CDC16: variants seen among roughly 807,000 people sequenced by gnomAD.
CDC16 encodes cell division cycle 16.
Under a neutral mutation model 87.0 loss-of-function variants are expected in CDC16, and 34 were observed. The ratio of observed to expected loss-of-function variants is 0.39; its 90% CI spans 0.30 to 0.52. The LOEUF (loss-of-function observed/expected upper bound fraction) is 0.52, where lower values mean the gene tolerates loss of function less well. Ranked by LOEUF, CDC16 falls within the 20% of genes least tolerant of loss-of-function variation. The pLI is 0.74. For synonymous variants in CDC16, 263 were observed against 260.6 expected (o/e 1.01, Z -0.09); for missense variants, 653 against 751.9 (o/e 0.87, Z 1.54).
chr13:114,257,772 T>C (rs1368158427), intron 13 of CDC16, among the ~76,000 whole-genome samples: 1 of 152,112 alleles, frequency 6.6e-6, no homozygotes, highest in African/African-American at 2.4e-5. Flanking sequence ...TAAATTAGTT[T>C]CAGTTTTTTT....
At chr13:114,262,358 C>T (rs1167288641) in intron 15 of CDC16, among the ~76,000 whole-genome samples, 2 of 152,182 alleles carry the variant, frequency 1.3e-5, no homozygotes, top group Non-Finnish European at 2.9e-5. Context: ...TGCAGGATTT[C>T]TTTGAGTCTT....
intron 14 of CDC16, 37 bp from the exon 15 acceptor site, chr13:114,261,850 A>G (rs201880711): frequency 5.5e-6 from 8 of 1,457,062 alleles, no homozygotes; most frequent in Middle Eastern, 1.7e-4. Context: ...GAACAGTGAC[A>G]TATATAACTC....
At chr13:114,265,605 T>C (rs1276706174) in intron 17 of CDC16, among the ~76,000 whole-genome samples, 1 of 152,218 alleles carries the variant, frequency 6.6e-6, no homozygotes, top group East Asian at 1.9e-4. Flanking sequence ...TAATGCAGGG[T>C]ATAACAATAT....
chr13:114,238,882 A>AT, intron 3 of CDC16, 108 bp from the exon 4 acceptor site: 5 of 1,396,252 alleles, frequency 3.6e-6, no homozygotes, highest in Non-Finnish European at 2.9e-6. Context: ...CTGCAAGAGT[A>AT]AAAGGAGAAA....
At chr13:114,257,308 C>G (rs2082559759) in intron 13 of CDC16, 78 bp downstream of exon 13, 1 of 558,196 alleles carries the variant, frequency 1.8e-6, no homozygotes, top group East Asian at 4.5e-5. Flanking sequence ...AGTTCACTGA[C>G]AAAAGCGACT....
chr13:114,245,032 A>G, intron 9 of CDC16, 63 bp downstream of exon 9: 1 of 979,532 alleles, frequency 1.0e-6, no homozygotes, highest in African/African-American at 1.7e-5. Flanking sequence ...CTGTAACTTG[A>G]AATTTTGTCT....
At position 114,250,605 on chromosome 13, in the gene CDC16, C is replaced by G; in HGVS notation, c.1028C>G (p.Ser343Ter). ...YGPAWIAYGH[S>*]FAVESEHDQA... ...CCTGCATGGATAGCCTATGGACATT[C>G]ATTTGCGGTGGAGAGTGAGCACGAC... Residue 343 changes from serine to a stop codon, truncating the protein, a stop_gained, in exon 12 of 18, where the codon TCA becomes TGA. Coordinates refer to ENST00000356221, the MANE Select transcript of CDC16 (RefSeq NM_001078645.3). LOFTEE classifies it high-confidence loss of function. The G allele has an allele frequency of 6.2e-7, 1 of 1,613,958 alleles. No individual in the cohort carries two copies. The highest frequency in any genetic ancestry group is 8.5e-7 in the Non-Finnish European group (1 of 1,179,918).
Position 114,262,939 on chromosome 13 carries a change from A to G in CDC16, c.1437A>G (p.Ala479=). The stretch of plus-strand genomic sequence containing the variant: ...CACTGGTGTTGATTCCTCAGAACGC[A>G]TCCACCTACTCTGCTATTGGATATA... ...RQALVLIPQN[A]STYSAIGYIH... Residue 479 remains alanine (A), a synonymous_variant, in exon 16 of 18, where the codon GCA becomes GCG. Coordinates refer to ENST00000356221, the MANE Select transcript of CDC16 (RefSeq NM_001078645.3). 6.2e-7 allele frequency: 1 copy of G among 1,614,016 alleles called. No homozygotes were observed. Among genetic ancestry groups the G allele is most frequent in the East Asian group, 2.2e-5 (1 of 44,880 alleles).
Position 114,236,863 on chromosome 13 carries a change from C to G in CDC16, c.168C>G (p.Ala56=). Reference sequence around the variant, plus strand: ...ACCTGACAGCACAATATCACAGAGCCGCCCATGCACTTCGGTCACGAAAAC... The same window carrying G: ...ACCTGACAGCACAATATCACAGAGCGGCCCATGCACTTCGGTCACGAAAAC... ...CLYLTAQYHR[A]AHALRSRKLD... The change falls in exon 3 of 18, where the codon GCC becomes GCG. Residue 56 remains alanine (A), a synonymous_variant. Coordinates refer to ENST00000356221, the MANE Select transcript of CDC16 (RefSeq NM_001078645.3). The G allele has an allele frequency of 6.2e-7, 1 of 1,600,066 alleles. No homozygotes were observed. The highest frequency in any genetic ancestry group is 8.5e-7 in the Non-Finnish European group (1 of 1,175,960).
chr13:114,260,620 T>A (rs941389806), intron 14 of CDC16, among the ~76,000 whole-genome samples: 3 of 152,204 alleles, frequency 2.0e-5, no homozygotes, highest in African/African-American at 7.2e-5. Flanking sequence ...GCACTAAATT[T>A]AGAGTCTTAC....
At chr13:114,261,767 G>A (rs959542955) in intron 14 of CDC16, 120 bp from the exon 15 acceptor site, 2 of 616,084 alleles carry the variant, frequency 3.2e-6, no homozygotes, top group African/African-American at 3.8e-5. Flanking sequence ...GCCTTGTGGT[G>A]TGCTGGCGGC....
intron 14 of CDC16, among the ~76,000 whole-genome samples, chr13:114,260,911 C>T (rs2082813812): frequency 6.6e-6 from 1 of 152,164 alleles, no homozygotes; most frequent in Non-Finnish European, 1.5e-5. Flanking sequence ...ATGCCATAGG[C>T]TCTGAGCTAG....
intron 13 of CDC16, among the ~76,000 whole-genome samples, chr13:114,258,760 G>A (rs540865494): frequency 1.3e-5 from 2 of 152,234 alleles, no homozygotes; most frequent in South Asian, 2.1e-4. Context: ...TGGCAGCCGC[G>A]GTTCAATATT....
rs1222281987 is a variant in CDC16 at position 114,257,169 on chromosome 13, A to G, written c.1189A>G (p.Ile397Val). The change falls in exon 13 of 18, where the codon ATT becomes GTT. Residue 397 changes from isoleucine to valine, a missense_variant. Coordinates refer to ENST00000356221, the MANE Select transcript of CDC16 (RefSeq NM_001078645.3). ...AERFFSQALS[I>V]APEDPFVMHE... is the part of the protein sequence containing the mutation. ...AAGGTTCTTCAGCCAAGCTCTGAGC[A>G]TTGCACCGGAAGACCCTTTTGTTAT... The G allele has an allele frequency of 1.9e-6, 3 of 1,613,616 alleles. No homozygotes were observed. The highest frequency in any genetic ancestry group is 1.7e-6 in the Non-Finnish European group (2 of 1,179,608).
intron 13 of CDC16, among the ~76,000 whole-genome samples, chr13:114,259,078 A>G (rs3861103): frequency 0.021 from 3,160 of 150,310 alleles, 129 homozygotes; most frequent in Admixed American, 0.083. Context: ...CAGCCTAGGT[A>G]ACAGAGTGAG....
intron 9 of CDC16, 23 bp from the exon 10 acceptor site, chr13:114,245,976 CT>C (rs2081846951): frequency 7.3e-7 from 1 of 1,372,002 alleles, no homozygotes. Context: ...AACAATTGTT[CT>C]TTTTCTGCTT....
intron 3 of CDC16, among the ~76,000 whole-genome samples, chr13:114,237,320 G>GTC (rs939511201): frequency 2.0e-5 from 3 of 151,848 alleles, no homozygotes; most frequent in Non-Finnish European, 4.4e-5. Context: ...TTTTTTTGAG[G>GTC]TCTCTCTGTG....
intron 16 of CDC16, among the ~76,000 whole-genome samples, chr13:114,264,516 C>T (rs926490161): frequency 1.3e-5 from 2 of 150,390 alleles, no homozygotes; most frequent in African/African-American, 2.4e-5. Flanking sequence ...GCTGAGATCG[C>T]GCCACTGCAT....
chr13:114,246,038 C>T lies in CDC16; in HGVS notation c.886C>T (p.Pro296Ser). 1 of 1,459,530 alleles carries T rather than the reference C, an allele frequency of 6.9e-7. No individual in the cohort carries two copies. The highest frequency in any genetic ancestry group is 1.2e-5 in the South Asian group (1 of 81,466). The allele number at this position is 1,459,530 out of a possible 1,614,324, so 90.4% of individuals were successfully genotyped here. A position where few individuals can be genotyped will look rare whatever the true frequency, so the allele number is the denominator to read the frequency against. ...YLSHKLVDLY[P>S]SNPVSWFAVG... is the part of the protein sequence containing the mutation. Reference sequence around the variant, plus strand: ...TTCTCATAAACTGGTGGATTTATATCCTAGTAATCCTGTAAGTAATATAAC... The same window carrying T: ...TTCTCATAAACTGGTGGATTTATATTCTAGTAATCCTGTAAGTAATATAAC... Residue 296 changes from proline (P) to serine (S), a missense_variant, in exon 10 of 18, where the codon CCT (proline) becomes TCT (serine). Physicochemically the swap from Pro to Ser is moderately conservative, Grantham distance 74. Coordinates refer to ENST00000356221, the MANE Select transcript of CDC16 (RefSeq NM_001078645.3).
Sources: allele counts gnomAD v4.1 joint callset (sites outside exome capture counted in the v4.1 genomes callset), GRCh38; gene constraint gnomAD v4.1.1; transcripts MANE v1.5; gene names NCBI Gene and HGNC (gene_info 2026-07-23, HGNC 2026-07-21).